The following PGS1 variants were observed in gnomAD, a reference collection of about 807,000 sequenced individuals.
The protein encoded by PGS1 is phosphatidylglycerophosphate synthase 1, also known as CDP-diacylglycerol--glycerol-3-phosphate 3-phosphatidyltransferase, mitochondrial.
PGS1 carries 44 observed loss-of-function variants against 58.3 expected under a neutral mutation model. The ratio of observed to expected loss-of-function variants is 0.75; its 90% confidence interval spans 0.59 to 0.97. PGS1 has a LOEUF of 0.97. Among genes scored for constraint, PGS1 ranks in the 50% least tolerant of loss-of-function variants. PGS1 has a pLI of 0.00. For synonymous variants in PGS1, 330 were observed against 311.0 expected (o/e 1.06, Z -0.64); for missense variants, 684 against 731.1 (o/e 0.94, Z 0.74).
At chr17:78,405,817 G>C (rs1339393339) in intron 7 of PGS1, among the ~76,000 whole-genome samples, 3 of 152,190 alleles carry the variant, frequency 2.0e-5, no homozygotes, top group Non-Finnish European at 2.9e-5. Flanking sequence ...GGCCTGTTTT[G>C]CTCCTTCTCT....
intron 1 of PGS1, among the ~76,000 whole-genome samples, chr17:78,390,062 T>TCCCCCCCCCCCCCCCCCCCCCCCC (rs1555628316): frequency 7.8e-5 from 10 of 128,588 alleles, no homozygotes; most frequent in Non-Finnish European, 1.5e-4. Flanking sequence ...TGTTGCCTGT[T>TCCCCCCCCCCCCCCCCCCCCCCCC]CCCCCGCCCC....
intron 7 of PGS1, among the ~76,000 whole-genome samples, chr17:78,411,040 G>A (rs1044955694): frequency 1.3e-5 from 2 of 152,188 alleles, no homozygotes; most frequent in African/African-American, 4.8e-5. Context: ...AAGGCTCCAG[G>A]CTGCTGCAGG....
chr17:78,421,234 G>A (rs1226765901), intron 9 of PGS1: 3 of 152,158 alleles, frequency 2.0e-5, no homozygotes, highest in Non-Finnish European at 4.4e-5. Context: ...CTCACTGCCT[G>A]ATCTCTTTAT....
In PGS1 at chr17:78,403,580, A is replaced by C; in HGVS notation, c.893A>C (p.Glu298Ala). ...ACGTCTTCCCCAGGGGACCGGGCCGAGTACTGCAAGGCAGCCAATAAGAGG... is the reference window on the plus strand; with the variant it reads ...ACGTCTTCCCCAGGGGACCGGGCCGCGTACTGCAAGGCAGCCAATAAGAGG... ...MVHPYKGDRA[E>A]YCKAANKRVM... The change falls in exon 7 of 10, where the codon GAG becomes GCG. Residue 298 changes from glutamate (E) to alanine (A), a missense_variant. Physicochemically the swap from Glu to Ala is moderately radical, Grantham distance 107 (BLOSUM62 -1). Coordinates refer to ENST00000262764, the MANE Select transcript of PGS1 (RefSeq NM_024419.5). The C allele has an allele frequency of 1.9e-6, 3 of 1,610,434 alleles. No individual in the cohort carries two copies. Among genetic ancestry groups the C allele is most frequent in the Non-Finnish European group, 2.5e-6 (3 of 1,176,924 alleles).
intron 8 of PGS1, among the ~76,000 whole-genome samples, chr17:78,416,946 C>G (rs771753599): frequency 6.6e-6 from 1 of 152,188 alleles, no homozygotes; most frequent in Non-Finnish European, 1.5e-5. Context: ...CTCTCTGAAG[C>G]TGTCTCTGGA....
At chr17:78,411,316 C>T (rs1041329960) in intron 7 of PGS1, among the ~76,000 whole-genome samples, 2 of 152,160 alleles carry the variant, frequency 1.3e-5, no homozygotes, top group African/African-American at 2.4e-5. Context: ...CCAGGAGTGC[C>T]GAGGCCTGGA....
At chr17:78,401,923 T>C (rs984511362) in intron 6 of PGS1, among the ~76,000 whole-genome samples, 4 of 152,102 alleles carry the variant, frequency 2.6e-5, no homozygotes, top group African/African-American at 7.2e-5. Flanking sequence ...GGGCCAGGCA[T>C]GGATATGAGA....
At chr17:78,410,672 C>T (rs1274091062) in intron 7 of PGS1, among the ~76,000 whole-genome samples, 2 of 151,892 alleles carry the variant, frequency 1.3e-5, no homozygotes, top group African/African-American at 4.8e-5. Context: ...TGGGGTTTCA[C>T]CATGATGGCC....
chr17:78,387,912 A>G (rs1342184593), intron 1 of PGS1, among the ~76,000 whole-genome samples: 5 of 152,058 alleles, frequency 3.3e-5, no homozygotes, highest in Non-Finnish European at 7.4e-5. Flanking sequence ...AGTTTTTTTG[A>G]GTGACACTAG....
At chr17:78,389,587 C>T (rs2082668620) in intron 1 of PGS1, among the ~76,000 whole-genome samples, 1 of 108,992 alleles carries the variant, frequency 9.2e-6, no homozygotes, top group South Asian at 2.8e-4. Context: ...TCCCAAAGTA[C>T]TGGAATTATA....
At chr17:78,403,432 G>T in intron 6 of PGS1, 136 bp from the exon 7 acceptor site, 4 of 973,900 alleles carry the variant, frequency 4.1e-6, no homozygotes, top group Non-Finnish European at 4.6e-6. Flanking sequence ...GGGGTCCTGG[G>T]CCCACTCAGC....
chr17:78,394,626 G>C (rs1467130642), intron 2 of PGS1, among the ~76,000 whole-genome samples: 1 of 151,866 alleles, frequency 6.6e-6, no homozygotes, highest in Non-Finnish European at 1.5e-5. Context: ...CACGATCTCG[G>C]CTCATCACAA....
intron 4 of PGS1, among the ~76,000 whole-genome samples, chr17:78,398,754 C>T (rs2083433911): frequency 6.6e-6 from 1 of 152,332 alleles, no homozygotes; most frequent in Non-Finnish European, 1.5e-5. Context: ...TGGGGTTTGG[C>T]CGTGTCACCA....
intron 2 of PGS1, among the ~76,000 whole-genome samples, chr17:78,393,010 C>T (rs1881799045): frequency 6.6e-6 from 1 of 151,700 alleles, no homozygotes; most frequent in Non-Finnish European, 1.5e-5. Context: ...CCCCCTGCCT[C>T]GGCCTCCCAA....
chr17:78,415,176 A>T, intron 8 of PGS1, 149 bp downstream of exon 8: 1 of 890,358 alleles, frequency 1.1e-6, no homozygotes, highest in Non-Finnish European at 1.7e-6. Context: ...GGTCTCCAAG[A>T]GTGCAGTGAT....
chr17:78,424,156 G>A lies in PGS1; in HGVS notation c.*106G>A, dbSNP rs1190676626. ...AGTCTGGGTGTCCCAGCGAGCCCCT[G>A]CAGGGACAGTATGGCTGAGGGTCAG... On this transcript the variant is annotated 3_prime_UTR_variant, in exon 10 of 10. Coordinates refer to ENST00000262764, the MANE Select transcript of PGS1 (RefSeq NM_024419.5). The A allele has an allele frequency of 7.5e-6, 12 of 1,608,194 alleles. No homozygotes were observed. Among genetic ancestry groups the A allele is most frequent in the Non-Finnish European group, 1.0e-5 (12 of 1,177,612 alleles).
At chr17:78,384,445 CTG>C (rs2082241324) in intron 1 of PGS1, among the ~76,000 whole-genome samples, 2 of 152,180 alleles carry the variant, frequency 1.3e-5, no homozygotes, top group South Asian at 4.1e-4. Context: ...ATATCTGTGA[CTG>C]AGAGGGTAGG....
chr17:78,396,715 A>T (rs2083254668), intron 3 of PGS1, among the ~76,000 whole-genome samples: 1 of 152,266 alleles, frequency 6.6e-6, no homozygotes, highest in South Asian at 2.1e-4. Flanking sequence ...GTTATGGTGT[A>T]GACTGTGAGC....
chr17:78,406,007 G>A (rs1217251675), intron 7 of PGS1, among the ~76,000 whole-genome samples: 1 of 152,070 alleles, frequency 6.6e-6, no homozygotes, highest in Non-Finnish European at 1.5e-5. Flanking sequence ...TTTCAATTGG[G>A]GGATGCGTTG....
Sources: allele counts gnomAD v4.1 joint callset (sites outside exome capture counted in the v4.1 genomes callset), GRCh38; gene constraint gnomAD v4.1.1; transcripts MANE v1.5; gene names NCBI Gene and HGNC (gene_info 2026-07-23, HGNC 2026-07-21).